The following GSE1 variants were observed in gnomAD, a reference collection of about 807,000 sequenced individuals.
GSE1 encodes the protein Gse1 coiled-coil protein, also known as genetic suppressor element 1.
A neutral mutation model predicts 112.6 loss-of-function variants in GSE1; 32 were observed. That is an observed-to-expected ratio of 0.28 (90% CI 0.21 to 0.38). The LOEUF (loss-of-function observed/expected upper bound fraction) is 0.38, where lower values mean the gene tolerates loss of function less well. Ranked by LOEUF, GSE1 falls within the 10% of genes least tolerant of loss-of-function variation. The probability of loss-of-function intolerance (pLI) is 1.00; values close to 1 mark genes in which losing one functional copy is unlikely to be tolerated. For missense variants in GSE1, 2,348 were observed against 1,699.2 expected (o/e 1.38, Z -6.71); for synonymous variants, 1,115 against 735.6 (o/e 1.52, Z -8.35).
chr16:85,360,570 C>T (rs1039814413), intron 2 of GSE1, among the ~76,000 whole-genome samples: 2 of 152,172 alleles, frequency 1.3e-5, no homozygotes, highest in Admixed American at 1.3e-4. Context: ...CACCTCTCAT[C>T]CGGCAGGCGG....
In GSE1 at chr16:85,287,936, T is replaced by A. The variant is rs2045087694; in HGVS notation, c.2284-69527T>A. Among the ~76,000 whole-genome samples the A allele has an allele frequency of 3.9e-5, 6 of 151,968 alleles. No individual in the cohort carries two copies. The South Asian group carries it at 1.0e-3, about 26-fold the overall frequency. ...TATTTGTGGAAGGAAGAAATGGAGATCATCATGAAATAAGCGCTATTGGCC... is the reference window on the plus strand; with the variant it reads ...TATTTGTGGAAGGAAGAAATGGAGAACATCATGAAATAAGCGCTATTGGCC... On this transcript the variant is annotated intron_variant, in intron 1 of 2. Transcript: ENST00000637419.
chr16:85,243,619 C>T (rs1217564844), intron 1 of GSE1, among the ~76,000 whole-genome samples: 2 of 152,160 alleles, frequency 1.3e-5, no homozygotes, highest in Admixed American at 6.5e-5. Context: ...GGAAAGAGCT[C>T]CCAGAGATGT....
chr16:85,328,293 C>G lies in GSE1; in HGVS notation c.2284-29170C>G, dbSNP rs374198006. On this transcript the variant is annotated intron_variant, in intron 1 of 2. Coordinates refer to the GSE1 transcript ENST00000637419. ...TCCCTGTCCAGGGTGGGGCTGTCAC[C>G]CCAGAGAAGAGTCTCCTGGCCACTG... Among the ~76,000 whole-genome samples the G allele has an allele frequency of 4.1e-4, 63 of 152,314 alleles. 1 individual carries two copies. Among genetic ancestry groups the G allele is most frequent in the East Asian group, 2.7e-3 (14 of 5,168 alleles).
chr16:85,396,772 A>G (rs968494305), intron 2 of GSE1, among the ~76,000 whole-genome samples: 2 of 152,198 alleles, frequency 1.3e-5, no homozygotes, highest in African/African-American at 4.8e-5. Context: ...GGGTGGCGGC[A>G]GGGGAGGCTG....
chr16:85,178,243 CTG>C (rs1221841571), intron 1 of GSE1, among the ~76,000 whole-genome samples: 1 of 152,136 alleles, frequency 6.6e-6, no homozygotes. Context: ...GTCCTGAAGA[CTG>C]AAAAGGATTC....
At chr16:85,583,779 C>T (rs1257075845) in intron 1 of GSE1, among the ~76,000 whole-genome samples, 3 of 152,172 alleles carry the variant, frequency 2.0e-5, no homozygotes, top group Admixed American at 6.5e-5. Context: ...CTCCTCCTGT[C>T]GTGCCACGAG....
chr16:85,384,820 GAGGGA>G lies in GSE1; in HGVS notation c.2464+27179_2464+27183del, dbSNP rs1221262943. Reference sequence around the variant, plus strand: ...CAGGTCCTCCAGCGCCAGGATCCAGGAGGGAACACACAGGAGGGGACAGAGCAGGC... The same window carrying G: ...CAGGTCCTCCAGCGCCAGGATCCAGGACACACAGGAGGGGACAGAGCAGGC... On this transcript the variant is annotated intron_variant, in intron 2 of 2. Coordinates refer to the GSE1 transcript ENST00000637419. Among the ~76,000 whole-genome samples, 4 of 152,344 alleles carry G rather than the reference GAGGGA, an allele frequency of 2.6e-5. No homozygotes were observed. In the East Asian group the frequency reaches 7.7e-4, roughly 29 times the overall value.
chr16:85,510,603 G>A (rs1382515710), intron 2 of GSE1, among the ~76,000 whole-genome samples: 2 of 152,242 alleles, frequency 1.3e-5, no homozygotes, highest in African/African-American at 4.8e-5. Flanking sequence ...CACTGGAAGG[G>A]AGGGGGAACC....
At chr16:85,222,102 G>A (rs993429939) in intron 1 of GSE1, among the ~76,000 whole-genome samples, 8 of 152,158 alleles carry the variant, frequency 5.3e-5, no homozygotes, top group African/African-American at 1.9e-4. Flanking sequence ...CTCTCCCTCT[G>A]GGCCACATCT....
chr16:85,669,701 C>T (rs1176880677), intron 14 of GSE1, among the ~76,000 whole-genome samples: 1 of 152,188 alleles, frequency 6.6e-6, no homozygotes, highest in African/African-American at 2.4e-5. Flanking sequence ...CCATGGCTGT[C>T]AGGCTATTCT....
At chr16:85,543,260 T>G (rs1354609873) in intron 2 of GSE1, among the ~76,000 whole-genome samples, 1 of 150,334 alleles carries the variant, frequency 6.7e-6, no homozygotes, top group Non-Finnish European at 1.5e-5. Flanking sequence ...CCCAAATATA[T>G]CCTATAGCTG....
intron 1 of GSE1, among the ~76,000 whole-genome samples, chr16:85,195,633 A>T (rs936298020): frequency 2.6e-5 from 4 of 152,192 alleles, no homozygotes; most frequent in Admixed American, 6.5e-5. Flanking sequence ...CGAGGTAAAG[A>T]TTCCAGGGGG....
intron 1 of GSE1, among the ~76,000 whole-genome samples, chr16:85,272,920 G>T (rs1365229641): frequency 6.6e-6 from 1 of 152,086 alleles, no homozygotes; most frequent in Non-Finnish European, 1.5e-5. Flanking sequence ...GGGATTACAG[G>T]CATGCACTAT....
chr16:85,304,769 G>A (rs2045629915), intron 1 of GSE1, among the ~76,000 whole-genome samples: 1 of 152,146 alleles, frequency 6.6e-6, no homozygotes, highest in Non-Finnish European at 1.5e-5. Context: ...ACTTCACTGG[G>A]GATAAGACAG....
rs1413197776 is a variant in GSE1, at chr16:85,253,034, C to T, written c.2283+81227C>T. On this transcript the variant is annotated intron_variant, in intron 1 of 2. Coordinates refer to the GSE1 transcript ENST00000637419. ...CAGCTTGTAAGGTGCAGCAGCCAGG[C>T]GGCTCCAGCTCATAGGCGCCCCCGC... Among the ~76,000 whole-genome samples, 6 of 140,200 alleles carry T rather than the reference C, an allele frequency of 4.3e-5. No individual in the cohort carries two copies. In the East Asian group the frequency reaches 6.7e-4, roughly 16 times the overall value. 92.0% of individuals were successfully genotyped at this position (140,200 alleles called of 152,430 possible). A position where few individuals can be genotyped will look rare whatever the true frequency, so the allele number is the denominator to read the frequency against.
At chr16:85,486,501 C>T (rs2050843811) in intron 2 of GSE1, among the ~76,000 whole-genome samples, 1 of 152,220 alleles carries the variant, frequency 6.6e-6, no homozygotes, top group East Asian at 1.9e-4. Context: ...TAGGTGGCTC[C>T]GTTCGGGGGT....
chr16:85,454,977 G>A lies in GSE1; in HGVS notation c.2464+97334G>A, dbSNP rs79881101. On this transcript the variant is annotated intron_variant, in intron 2 of 2. Transcript: ENST00000637419. ...TATGGACAGATCTTTCTGGAGAGCC[G>A]TAACTCAACCTCCTGGGTGCCAGGT... 8.2e-3 allele frequency among the ~76,000 whole-genome samples: 1,248 copies of A among 152,324 alleles called. 14 individuals carry two copies. Among genetic ancestry groups the A allele is most frequent in the Middle Eastern group, 0.031 (9 of 294 alleles).
At chr16:85,521,526 G>T (rs1310752109) in intron 2 of GSE1, among the ~76,000 whole-genome samples, 1 of 152,252 alleles carries the variant, frequency 6.6e-6, no homozygotes, top group African/African-American at 2.4e-5. Flanking sequence ...ACCTGCAGCA[G>T]TTCAGCTCTG....
intron 2 of GSE1, chr16:85,463,075 G>A (rs2050019430): frequency 1.0e-6 from 1 of 984,922 alleles, no homozygotes; most frequent in South Asian, 4.7e-5. Flanking sequence ...CCCGGGGGGC[G>A]GCGCAGGATG....
Sources: gnomAD v4.1 joint callset for allele counts (sites outside exome capture counted in the v4.1 genomes callset) on GRCh38, gnomAD v4.1.1 for gene constraint, MANE v1.5 for transcripts, NCBI Gene and HGNC (gene_info 2026-07-23, HGNC 2026-07-21) for gene names.